The following XIRP2 variants were observed in gnomAD, a reference collection of about 807,000 sequenced individuals.
XIRP2 encodes xin actin-binding repeat-containing protein 2.
XIRP2 carries 236 observed loss-of-function variants against 277.0 expected under a neutral mutation model. The observed-to-expected ratio is 0.85, with a 90% CI of 0.77 to 0.95. The LOEUF is 0.95. Ranked by LOEUF, XIRP2 falls within the 40% of genes least tolerant of loss-of-function variation. The pLI is 0.00. For synonymous variants in XIRP2, 1,490 were observed against 1,416.5 expected, an observed-to-expected ratio of 1.05 and a Z score of -1.17; for missense variants, 4,640 against 4,157.5, an observed-to-expected ratio of 1.12 and a Z score of -3.19.
Position 166,894,785 on chromosome 2 carries a change from A to C in XIRP2, c.-19+6228A>C, listed in dbSNP as rs144031006. ...CTTGCCAACATAGAATTTTCAAGTT[A>C]GGGAACAGACATTAATAAAATAGCT... On this transcript the variant is annotated intron_variant, in intron 1 of 10. Coordinates refer to ENST00000409195, the MANE Select transcript of XIRP2 (RefSeq NM_152381.6). Among the ~76,000 whole-genome samples the C allele has an allele frequency of 1.3e-3, 196 of 152,306 alleles. No homozygotes were observed. In the Middle Eastern group the frequency reaches 0.027, roughly 21 times the overall value.
chr2:166,974,372 T>C (rs1380543780), intron 2 of XIRP2, among the ~76,000 whole-genome samples: 1 of 152,112 alleles, frequency 6.6e-6, no homozygotes, highest in Non-Finnish European at 1.5e-5. Flanking sequence ...TGTGGATAAA[T>C]ATAGAACACT....
intron 2 of XIRP2, among the ~76,000 whole-genome samples, chr2:167,119,500 T>A (rs1690993005): frequency 6.6e-6 from 1 of 152,168 alleles, no homozygotes; most frequent in Non-Finnish European, 1.5e-5. Context: ...ATCTCATGGC[T>A]CACCAGCCTC....
At chr2:167,082,770 A>G (rs935532918) in intron 2 of XIRP2, among the ~76,000 whole-genome samples, 17 of 152,002 alleles carry the variant, frequency 1.1e-4, no homozygotes, top group African/African-American at 2.7e-4. Flanking sequence ...CATGTCCTTC[A>G]CCCACTTTTT....
chr2:166,984,504 A>C (rs1686951795), intron 2 of XIRP2, among the ~76,000 whole-genome samples: 1 of 152,152 alleles, frequency 6.6e-6, no homozygotes, highest in South Asian at 2.1e-4. Context: ...ATTACTATAA[A>C]ATAATATTAT....
At chr2:167,101,631 T>G (rs1690491367) in intron 2 of XIRP2, among the ~76,000 whole-genome samples, 2 of 152,212 alleles carry the variant, frequency 1.3e-5, no homozygotes, top group African/African-American at 2.4e-5. Context: ...CCATCCAGGT[T>G]GCTGCAAGTG....
At chr2:167,156,479 T>A (rs1692201641) in intron 3 of XIRP2, among the ~76,000 whole-genome samples, 1 of 149,222 alleles carries the variant, frequency 6.7e-6, no homozygotes, top group African/African-American at 2.6e-5. Context: ...AGAACACTTC[T>A]GTAAGATGTA....
At chr2:167,162,485 A>G (rs1398053051) in intron 3 of XIRP2, among the ~76,000 whole-genome samples, 1 of 152,094 alleles carries the variant, frequency 6.6e-6, no homozygotes, top group Non-Finnish European at 1.5e-5. Flanking sequence ...TTGTGCAGGG[A>G]AACTCCCCTT....
chr2:166,951,743 C>G (rs17614686), intron 2 of XIRP2, among the ~76,000 whole-genome samples: 13,965 of 151,954 alleles, frequency 0.092, 723 homozygotes, highest in Non-Finnish European at 0.11. Context: ...CAATCTAGCC[C>G]CAACCTAGCT....
intron 2 of XIRP2, among the ~76,000 whole-genome samples, chr2:166,937,402 G>A (rs1184502437): frequency 1.3e-5 from 2 of 152,060 alleles, no homozygotes; most frequent in African/African-American, 4.8e-5. Context: ...ATTTATTTGT[G>A]TATGTTGAAC....
intron 2 of XIRP2, among the ~76,000 whole-genome samples, chr2:166,925,008 T>C (rs927300828): frequency 6.6e-6 from 1 of 152,098 alleles, no homozygotes; most frequent in African/African-American, 2.4e-5. Flanking sequence ...TTTTTTCTCC[T>C]CTTTCTTACC....
At chr2:167,127,676 T>A (rs1205781418) in intron 2 of XIRP2, among the ~76,000 whole-genome samples, 1 of 152,226 alleles carries the variant, frequency 6.6e-6, no homozygotes, top group Non-Finnish European at 1.5e-5. Flanking sequence ...TCTCGCCGCC[T>A]GCTGGACGTA....
chr2:166,971,422 A>G (rs16852817), intron 2 of XIRP2, among the ~76,000 whole-genome samples: 11,749 of 152,066 alleles, frequency 0.077, 847 homozygotes, highest in East Asian at 0.38. Context: ...CCTATGTGAT[A>G]TTAACTTGGG....
At chr2:166,937,412 C>A (rs1025918767) in intron 2 of XIRP2, among the ~76,000 whole-genome samples, 1 of 151,956 alleles carries the variant, frequency 6.6e-6, no homozygotes, top group Non-Finnish European at 1.5e-5. Context: ...GTATGTTGAA[C>A]CTTGCACCAG....
intron 3 of XIRP2, among the ~76,000 whole-genome samples, chr2:167,172,607 C>T (rs1311425661): frequency 6.6e-6 from 1 of 152,140 alleles, no homozygotes; most frequent in African/African-American, 2.4e-5. Flanking sequence ...CTGTTCCTTG[C>T]TGAGAAAAAG....
chr2:167,249,594 G>A lies in XIRP2; in HGVS notation c.8202G>A (p.Gln2734=), dbSNP rs1559043951. ...ETDHSYESHK[Q]QSEIDVQTFT... is the part of the protein sequence containing the mutation. Reference sequence around the variant, plus strand: ...ACCACAGCTATGAAAGTCATAAACAGCAATCTGAGATTGATGTTCAAACCT... The same window carrying A: ...ACCACAGCTATGAAAGTCATAAACAACAATCTGAGATTGATGTTCAAACCT... Residue 2734 remains glutamine (Q), a synonymous_variant, in exon 9 of 11, where the codon CAG becomes CAA. Transcript: ENST00000409195. The A allele has an allele frequency of 6.2e-7, 1 of 1,613,532 alleles. No individual in the cohort carries two copies. The highest frequency in any genetic ancestry group is 8.5e-7 in the Non-Finnish European group (1 of 1,179,746).
chr2:167,023,187 G>A (rs533811217), intron 2 of XIRP2, among the ~76,000 whole-genome samples: 2 of 152,244 alleles, frequency 1.3e-5, no homozygotes, highest in East Asian at 1.9e-4. Context: ...GTTTTCATTT[G>A]CATTTCTCTG....
chr2:167,075,360 T>A (rs1298685727), intron 2 of XIRP2, among the ~76,000 whole-genome samples: 1 of 152,136 alleles, frequency 6.6e-6, no homozygotes, highest in African/African-American at 2.4e-5. Flanking sequence ...GGGAAAACCA[T>A]ATCAAAGGAA....
chr2:167,056,094 A>G (rs35472201), intron 2 of XIRP2, among the ~76,000 whole-genome samples: 51,507 of 151,952 alleles, frequency 0.34, 10,367 homozygotes, highest in African/African-American at 0.56. Flanking sequence ...TAAAAAGTAG[A>G]CCAGTTCCTC....
intron 2 of XIRP2, among the ~76,000 whole-genome samples, chr2:167,094,093 G>A (rs1690225655): frequency 6.6e-6 from 1 of 152,002 alleles, no homozygotes; most frequent in Non-Finnish European, 1.5e-5. Context: ...TTTCATATAT[G>A]TGTTGGCCAC....
Sources: allele counts gnomAD v4.1 joint callset (sites outside exome capture counted in the v4.1 genomes callset), GRCh38; gene constraint gnomAD v4.1.1; transcripts MANE v1.5; gene names NCBI Gene and HGNC (gene_info 2026-07-23, HGNC 2026-07-21).